The following DZIP3 variants were observed in gnomAD, a reference collection of about 807,000 sequenced individuals.
DZIP3 encodes the protein DAZ interacting zinc finger protein 3, also known as E3 ubiquitin-protein ligase DZIP3.
A neutral mutation model predicts 162.0 loss-of-function variants in DZIP3; 118 were observed. The ratio of observed to expected loss-of-function variants is 0.73; its 90% CI spans 0.63 to 0.85. The LOEUF is 0.85. DZIP3 is among the 40% of genes least tolerant of loss of function. The pLI, the probability that DZIP3 is intolerant of heterozygous loss-of-function variation, is 0.00. For missense variants in DZIP3, 1,331 were observed against 1,407.0 expected, an observed-to-expected ratio of 0.95 and a Z score of 0.86; for synonymous variants, 438 against 458.6, an observed-to-expected ratio of 0.96 and a Z score of 0.57.
intron 8 of DZIP3, among the ~76,000 whole-genome samples, chr3:108,631,201 T>C (rs900314901): frequency 1.3e-5 from 2 of 151,814 alleles, no homozygotes; most frequent in African/African-American, 4.8e-5. Context: ...CCTCTGTTTC[T>C]CAGAACTCAA....
chr3:108,625,816 T>A, intron 6 of DZIP3, 29 bp from the exon 7 acceptor site: 2 of 1,534,260 alleles, frequency 1.3e-6, no homozygotes, highest in Admixed American at 2.2e-5. Flanking sequence ...ACTTTTACAG[T>A]AGCCAAACCT....
At chr3:108,632,057 C>G (rs1035215942) in intron 8 of DZIP3, among the ~76,000 whole-genome samples, 2 of 152,072 alleles carry the variant, frequency 1.3e-5, no homozygotes, top group East Asian at 3.9e-4. Flanking sequence ...GAAATAATTT[C>G]TAGAGGCTTA....
At chr3:108,679,343 A>T (rs1944221519) in intron 26 of DZIP3, among the ~76,000 whole-genome samples, 1 of 152,012 alleles carries the variant, frequency 6.6e-6, no homozygotes, top group Non-Finnish European at 1.5e-5. Flanking sequence ...GACCCTCCAG[A>T]TCCTTTTATC....
intron 7 of DZIP3, among the ~76,000 whole-genome samples, chr3:108,626,347 G>T (rs1404797335): frequency 6.6e-6 from 1 of 152,006 alleles, no homozygotes; most frequent in Non-Finnish European, 1.5e-5. Context: ...GATTTTGCAG[G>T]TGATTAACAT....
At position 108,639,844 on chromosome 3, in the gene DZIP3, A is replaced by AT. The variant is rs201353629; in HGVS notation, c.1064+2305dup. 8.0e-4 allele frequency among the ~76,000 whole-genome samples: 120 copies of AT among 149,620 alleles called. 1 individual carries two copies. In the South Asian group the frequency reaches 0.01, roughly 13 times the overall value. On this transcript the variant is annotated intron_variant, in intron 12 of 32. Transcript: ENST00000361582. ...TTTGCTTTAGGTTTAATTTGCTTTG[A>AT]TTTTTTTTTAAGGTGAAAGTTTTGA...
At chr3:108,684,169 ATGTG>A in intron 26 of DZIP3, 43 bp from the exon 27 acceptor site, 1 of 1,541,932 alleles carries the variant, frequency 6.5e-7, no homozygotes, top group Non-Finnish European at 8.7e-7. Context: ...ATATATAAAT[ATGTG>A]GGGGGGGGTG....
chr3:108,684,185 T>G, intron 26 of DZIP3, 31 bp from the exon 27 acceptor site: 1 of 1,568,692 alleles, frequency 6.4e-7, no homozygotes, highest in Non-Finnish European at 8.6e-7. Context: ...GGGGGGGTGT[T>G]GTTTATTATT....
At chr3:108,643,250 T>C (rs967898391) in intron 13 of DZIP3, among the ~76,000 whole-genome samples, 6 of 152,192 alleles carry the variant, frequency 3.9e-5, no homozygotes, top group Non-Finnish European at 7.3e-5. Flanking sequence ...ATTAGTACTT[T>C]CTAATTCACT....
At chr3:108,618,965 G>T (rs1941173839) in intron 5 of DZIP3, among the ~76,000 whole-genome samples, 1 of 146,920 alleles carries the variant, frequency 6.8e-6, no homozygotes, top group Admixed American at 7.1e-5. Context: ...GGAGGCTGAG[G>T]CAGGAGAATC....
At chr3:108,636,835 G>C (rs1942171741) in intron 11 of DZIP3, 127 bp downstream of exon 11, 3 of 642,370 alleles carry the variant, frequency 4.7e-6, no homozygotes, top group Non-Finnish European at 8.0e-6. Flanking sequence ...AATGGTGACT[G>C]AGCTCTTGAA....
intron 21 of DZIP3, among the ~76,000 whole-genome samples, chr3:108,666,915 A>G (rs898018374): frequency 6.6e-6 from 1 of 152,198 alleles, no homozygotes; most frequent in African/African-American, 2.4e-5. Flanking sequence ...TACACACATT[A>G]GAAAAAGAGA....
At chr3:108,612,813 A>G (rs1449951951) in intron 4 of DZIP3, among the ~76,000 whole-genome samples, 1 of 152,104 alleles carries the variant, frequency 6.6e-6, no homozygotes, top group East Asian at 1.9e-4. Context: ...TTTTCAATCC[A>G]TGGTGGGTTG....
chr3:108,608,397 A>T (rs538397291), intron 3 of DZIP3, among the ~76,000 whole-genome samples: 27 of 152,260 alleles, frequency 1.8e-4, no homozygotes, highest in African/African-American at 6.3e-4. Context: ...GTAAAAAAAA[A>T]TTGAATGGAA....
intron 8 of DZIP3, among the ~76,000 whole-genome samples, chr3:108,630,969 A>G (rs1423242686): frequency 1.5e-5 from 2 of 132,326 alleles, no homozygotes; most frequent in Non-Finnish European, 3.2e-5. Context: ...TTGACTTCTC[A>G]CTGTGAAAAA....
intron 18 of DZIP3, among the ~76,000 whole-genome samples, chr3:108,652,993 G>A (rs1306210880): frequency 6.6e-6 from 1 of 151,814 alleles, no homozygotes; most frequent in Non-Finnish European, 1.5e-5. Context: ...ATGCCTGAGT[G>A]TACTTTAAAA....
rs772233631 is a variant in DZIP3, at chr3:108,629,133, A to G, written c.653A>G (p.Asp218Gly). Reference protein sequence around the residue: ...EIGDKNDHWFDIDPTEDEDLP... With the variant: ...EIGDKNDHWFGIDPTEDEDLP... The stretch of plus-strand genomic sequence containing the variant: ...GGAGACAAAAATGACCATTGGTTTG[A>G]CATAGATCCTACAGAAGATGAAGAT... The change falls in exon 8 of 33, where the codon GAC (aspartate) becomes GGC (glycine). Residue 218 changes from aspartate to glycine, a missense_variant. This residue lies in a region of DZIP3 where 1,278 missense variants were observed against 1,317.1 expected (regional missense o/e 0.97). Coordinates refer to ENST00000361582, the MANE Select transcript of DZIP3 (RefSeq NM_014648.4). 4.4e-6 allele frequency: 7 copies of G among 1,600,888 alleles called. No homozygotes were observed. Among genetic ancestry groups the G allele is most frequent in the Admixed American group, 1.8e-5 (1 of 56,838 alleles).
At chr3:108,622,836 G>GGC (rs1941415697) in intron 5 of DZIP3, among the ~76,000 whole-genome samples, 1 of 62,812 alleles carries the variant, frequency 1.6e-5, no homozygotes, top group Non-Finnish European at 3.2e-5. Flanking sequence ...AACAAACAGA[G>GGC]TCTCTCTCTC....
intron 31 of DZIP3, among the ~76,000 whole-genome samples, chr3:108,689,623 C>T (rs1037747017): frequency 6.6e-6 from 1 of 152,024 alleles, no homozygotes; most frequent in Non-Finnish European, 1.5e-5. Context: ...GGAGGTGGTG[C>T]TTGCAGTGAG....
chr3:108,589,575 T>C, upstream of DZIP3: 1 of 481,580 alleles, frequency 2.1e-6, no homozygotes, highest in Non-Finnish European at 3.7e-6. Flanking sequence ...TCGAGGTGAT[T>C]TGTGGGTCCA....
Sources: allele counts gnomAD v4.1 joint callset (sites outside exome capture counted in the v4.1 genomes callset), GRCh38; gene constraint gnomAD v4.1.1; regional missense constraint gnomAD v4.1.1; transcripts MANE v1.5; gene names NCBI Gene and HGNC (gene_info 2026-07-23, HGNC 2026-07-21).